DIS3L: variants seen among roughly 807,000 people sequenced by gnomAD.
DIS3L encodes DIS3 like exosome 3'-5' exoribonuclease.
In DIS3L, 100 loss-of-function variants were observed where a neutral mutation model predicts 120.3. That is an observed-to-expected ratio of 0.83 (90% CI 0.71 to 0.98). The LOEUF (loss-of-function observed/expected upper bound fraction) is 0.98, where lower values mean the gene tolerates loss of function less well. Among genes scored for constraint, DIS3L ranks in the 50% least tolerant of loss-of-function variants. DIS3L has a pLI of 0.00. For synonymous variants in DIS3L, 426 were observed against 470.6 expected (o/e 0.91, Z 1.23); for missense variants, 1,196 against 1,314.2 (o/e 0.91, Z 1.39).
At chr15:66,293,556 G>A (rs1300726910), upstream of DIS3L, 3 of 1,389,794 alleles carry the variant, frequency 2.2e-6, no homozygotes, top group Non-Finnish European at 2.8e-6. Context: ...CCTTGCCTCC[G>A]CCGCGCCCGC....
Position 66,306,958 on chromosome 15 carries a change from G to T in DIS3L, c.422+6G>T. ...ATGGAGAAGTGGCAGACCAGGTATG[G>T]CCCTGACTTGCTGCTGTTTTCACAC... is the stretch of plus-strand genomic sequence containing the variant. On this transcript the variant is annotated splice_donor_region_variant and intron_variant, in intron 3 of 16. Coordinates refer to ENST00000319212, the MANE Select transcript of DIS3L (RefSeq NM_001143688.3). 1 of 1,613,478 alleles carries T rather than the reference G, an allele frequency of 6.2e-7. No individual in the cohort carries two copies. The highest frequency in any genetic ancestry group is 8.5e-7 in the Non-Finnish European group (1 of 1,179,524).
At chr15:66,323,449 T>G (rs771280761) in intron 10 of DIS3L, 44 bp from the exon 11 acceptor site, 2 of 1,599,146 alleles carry the variant, frequency 1.3e-6, no homozygotes, top group Non-Finnish European at 1.7e-6. Context: ...CAGTTCTGCT[T>G]CTCCCTGCTA....
chr15:66,305,128 G>C (rs12909938), intron 2 of DIS3L, among the ~76,000 whole-genome samples: 1 of 149,370 alleles, frequency 6.7e-6, no homozygotes, highest in Non-Finnish European at 1.5e-5. Flanking sequence ...AACTTCCTGA[G>C]TAGCTGGGAC....
intron 14 of DIS3L, chr15:66,329,625 A>G: frequency 8.1e-7 from 1 of 1,235,148 alleles, no homozygotes; most frequent in Non-Finnish European, 1.0e-6. Context: ...GGAAATGTAA[A>G]GATTCAAGCA....
intron 8 of DIS3L, among the ~76,000 whole-genome samples, chr15:66,319,880 C>T (rs1241717096): frequency 1.3e-5 from 2 of 150,126 alleles, no homozygotes; most frequent in Non-Finnish European, 3.0e-5. Context: ...TTTGGGAGGC[C>T]GAGGCAGGTG....
chr15:66,300,756 C>T (rs929735567), intron 2 of DIS3L, among the ~76,000 whole-genome samples: 1 of 152,098 alleles, frequency 6.6e-6, no homozygotes, highest in African/African-American at 2.4e-5. Flanking sequence ...CTAGAGGAAG[C>T]CTGGGGGCAG....
chr15:66,311,320 A>G (rs2092759189), intron 4 of DIS3L, among the ~76,000 whole-genome samples: 1 of 152,134 alleles, frequency 6.6e-6, no homozygotes, highest in African/African-American at 2.4e-5. Context: ...AGCCAAGATT[A>G]TGCCACTGCA....
intron 6 of DIS3L, chr15:66,314,781 G>T: frequency 2.6e-6 from 1 of 381,162 alleles, no homozygotes. Flanking sequence ...TTTAAAAGGT[G>T]GTGAAGGGGA....
Position 66,329,301 on chromosome 15 carries a change from G to T in DIS3L, c.2437G>T (p.Ala813Ser). ...SDIVVHRLLM[A>S]AISKDKKMEI... Reference sequence around the variant, plus strand: ...TATTGTAGTACACCGCTTGTTAATGGCAGCCATTTCAAAAGATAAGAAAAT... The same window carrying T: ...TATTGTAGTACACCGCTTGTTAATGTCAGCCATTTCAAAAGATAAGAAAAT... Residue 813 changes from alanine (A) to serine (S), a missense_variant, in exon 14 of 17, where the codon GCA (alanine) becomes TCA (serine). Coordinates refer to ENST00000319212, the MANE Select transcript of DIS3L (RefSeq NM_001143688.3). The T allele has an allele frequency of 6.2e-7, 1 of 1,613,986 alleles. No homozygotes were observed. The highest frequency in any genetic ancestry group is 8.5e-7 in the Non-Finnish European group (1 of 1,179,970).
At chr15:66,328,592 T>G (rs1367562792) in intron 12 of DIS3L, among the ~76,000 whole-genome samples, 6 of 152,166 alleles carry the variant, frequency 3.9e-5, no homozygotes, top group African/African-American at 1.4e-4. Flanking sequence ...AAAAACTAAT[T>G]TAGGTTTCTT....
intron 1 of DIS3L, chr15:66,294,491 C>G (rs1289353997): frequency 2.0e-6 from 2 of 986,532 alleles, no homozygotes; most frequent in Middle Eastern, 1.0e-3. Context: ...CTCTCAGATG[C>G]AGGTCTGGTG....
intron 4 of DIS3L, among the ~76,000 whole-genome samples, 172 bp downstream of exon 4, chr15:66,309,016 G>T (rs2092729319): frequency 7.0e-6 from 1 of 142,760 alleles, no homozygotes; most frequent in Admixed American, 7.3e-5. Flanking sequence ...GGCTGAGATG[G>T]GAAGATCACT....
At chr15:66,326,604 G>C in intron 12 of DIS3L, 1 of 455,320 alleles carries the variant, frequency 2.2e-6, no homozygotes, top group East Asian at 4.4e-5. Flanking sequence ...TTTTTAGATA[G>C]AGTCTTGCTC....
intron 6 of DIS3L, chr15:66,314,780 T>A: frequency 5.4e-6 from 2 of 369,188 alleles, no homozygotes; most frequent in South Asian, 5.3e-5. Flanking sequence ...TTTTAAAAGG[T>A]GGTGAAGGGG....
chr15:66,307,068 A>C, intron 3 of DIS3L, 116 bp downstream of exon 3: 1 of 1,277,758 alleles, frequency 7.8e-7, no homozygotes, highest in Non-Finnish European at 1.1e-6. Context: ...ATTATTCTGG[A>C]ACCATGATTA....
chr15:66,300,070 A>G (rs1407497030), intron 2 of DIS3L, among the ~76,000 whole-genome samples: 2 of 152,194 alleles, frequency 1.3e-5, no homozygotes, highest in East Asian at 1.9e-4. Flanking sequence ...ATAAATAAAT[A>G]AAAATGAAAA....
At chr15:66,316,295 G>A (rs372863488) in intron 7 of DIS3L, among the ~76,000 whole-genome samples, 7 of 147,612 alleles carry the variant, frequency 4.7e-5, no homozygotes, top group Admixed American at 2.1e-4. Flanking sequence ...GACACCTTGG[G>A]GTTATCCTTG....
Position 66,320,681 on chromosome 15 carries a change from AACCATCCTGGTGG to A in DIS3L, c.1277_1289del (p.Thr426LysfsTer19). ...TCGGAGATCTGGAAGGGGAAATTGC[AACCATCCTGGTGG>A]AAAACAGTATTTCAGTTATTCCTTT... On this transcript the variant is annotated frameshift_variant, in exon 9 of 17. Transcript: ENST00000319212. LOFTEE classifies it high-confidence loss of function. 1 of 1,614,116 alleles carries A rather than the reference AACCATCCTGGTGG, an allele frequency of 6.2e-7. No individual in the cohort carries two copies. The highest frequency in any genetic ancestry group is 8.5e-7 in the Non-Finnish European group (1 of 1,179,990).
At chr15:66,319,979 G>C (rs967614877) in intron 8 of DIS3L, among the ~76,000 whole-genome samples, 7 of 141,166 alleles carry the variant, frequency 5.0e-5, no homozygotes, top group Admixed American at 2.1e-4. Context: ...AAAAAATTAG[G>C]TGGGCATGGT....
Sources: gnomAD v4.1 joint callset for allele counts (sites outside exome capture counted in the v4.1 genomes callset) on GRCh38, gnomAD v4.1.1 for gene constraint, MANE v1.5 for transcripts, NCBI Gene and HGNC (gene_info 2026-07-23, HGNC 2026-07-21) for gene names.